MYOZ2: variants seen among roughly 807,000 people sequenced by gnomAD.
MYOZ2 encodes myozenin 2.
In MYOZ2, 19 loss-of-function variants were observed where a neutral mutation model predicts 25.4. The observed-to-expected ratio is 0.75, with a 90% CI of 0.52 to 1.10. MYOZ2 has a LOEUF of 1.10. Among genes scored for constraint, MYOZ2 ranks in the 50% least tolerant of loss-of-function variants. The pLI is 0.00. For missense variants in MYOZ2, 270 were observed against 317.9 expected (o/e 0.85, Z 1.15); for synonymous variants, 92 against 106.9 (o/e 0.86, Z 0.86).
Position 119,186,282 on chromosome 4 carries a change from C to A in MYOZ2, c.*82C>A. 1.8e-6 allele frequency: 2 copies of A among 1,090,230 alleles called. No homozygotes were observed. Among genetic ancestry groups the A allele is most frequent in the Non-Finnish European group, 2.7e-6 (2 of 733,870 alleles). The allele number at this position is 1,090,230 out of a possible 1,614,324, so 67.5% of individuals were successfully genotyped here. A position where few individuals can be genotyped will look rare whatever the true frequency, so the allele number is the denominator to read the frequency against. ...TTTTAACTACTGGCAAAGCCACTTG[C>A]ATTTTTCATTAGTAGCAACAATAGC... On this transcript the variant is annotated 3_prime_UTR_variant, in exon 6 of 6. Transcript: ENST00000307128.
At chr4:119,158,323 AGGTG>A (rs1348803896) in intron 4 of MYOZ2, among the ~76,000 whole-genome samples, 172 bp downstream of exon 4, 1 of 152,150 alleles carries the variant, frequency 6.6e-6, no homozygotes, top group Non-Finnish European at 1.5e-5. Flanking sequence ...TGGGAGACTG[AGGTG>A]GGTGGATCAC....
intron 2 of MYOZ2, among the ~76,000 whole-genome samples, chr4:119,145,484 C>G (rs4441740): frequency 0.97 from 144,856 of 150,056 alleles, 69,942 homozygotes; most frequent in East Asian, 1. Context: ...TGGGACCAAC[C>G]CACCACCATG....
chr4:119,175,625 G>A (rs924917091), intron 5 of MYOZ2, among the ~76,000 whole-genome samples: 4 of 151,896 alleles, frequency 2.6e-5, no homozygotes, highest in East Asian at 1.9e-4. Flanking sequence ...GGTGGCGGGC[G>A]TCTGTAATCC....
At chr4:119,161,852 G>A (rs1305986941) in intron 4 of MYOZ2, among the ~76,000 whole-genome samples, 2 of 152,098 alleles carry the variant, frequency 1.3e-5, no homozygotes, top group Non-Finnish European at 2.9e-5. Flanking sequence ...TGATCATTAC[G>A]TTTATGGGTG....
chr4:119,170,319 A>G (rs996901253), intron 5 of MYOZ2, among the ~76,000 whole-genome samples: 2 of 150,394 alleles, frequency 1.3e-5, no homozygotes, highest in African/African-American at 4.9e-5. Flanking sequence ...TTCACTTAGT[A>G]TAATGTCCTC....
chr4:119,138,539 A>C (rs1301411932), intron 2 of MYOZ2, among the ~76,000 whole-genome samples: 2 of 152,202 alleles, frequency 1.3e-5, no homozygotes, highest in East Asian at 3.8e-4. Context: ...CAAACTTTCA[A>C]ACATTTTACA....
At chr4:119,139,217 C>T (rs1322339660) in intron 2 of MYOZ2, among the ~76,000 whole-genome samples, 1 of 152,152 alleles carries the variant, frequency 6.6e-6, no homozygotes, top group African/African-American at 2.4e-5. Context: ...TTACCTTCCT[C>T]ATTATATCAT....
chr4:119,164,622 A>C (rs1561122008), intron 5 of MYOZ2, among the ~76,000 whole-genome samples: 1 of 152,244 alleles, frequency 6.6e-6, no homozygotes, highest in Non-Finnish European at 1.5e-5. Flanking sequence ...AATGATTCAG[A>C]AACTATCATT....
In MYOZ2 at chr4:119,151,042, G is replaced by A. The variant is rs755105860; in HGVS notation, c.246+1G>A. 6.2e-7 allele frequency: 1 copy of A among 1,607,064 alleles called. No homozygotes were observed. The highest frequency in any genetic ancestry group is 2.2e-5 in the East Asian group (1 of 44,820). On this transcript the variant is annotated splice_donor_variant, in intron 3 of 5. Transcript: ENST00000307128. LOFTEE classifies it high-confidence loss of function. ...GTATCAATCTAGAGCACAAATAAAT[G>A]TAGGTATAACTTGAACAGGTAGTAT...
chr4:119,174,824 T>C (rs1742024025), intron 5 of MYOZ2, among the ~76,000 whole-genome samples: 1 of 152,030 alleles, frequency 6.6e-6, no homozygotes, highest in Non-Finnish European at 1.5e-5. Context: ...ACTTTTTGGG[T>C]CCACGCTGCT....
At chr4:119,144,872 A>G (rs1002954203) in intron 2 of MYOZ2, among the ~76,000 whole-genome samples, 4 of 152,104 alleles carry the variant, frequency 2.6e-5, no homozygotes, top group African/African-American at 9.7e-5. Flanking sequence ...TTTTGAAAAT[A>G]TTGTTTCCCA....
intron 2 of MYOZ2, among the ~76,000 whole-genome samples, chr4:119,142,115 G>A (rs1434507704): frequency 6.6e-6 from 1 of 152,112 alleles, no homozygotes. Context: ...TCTTGAATGG[G>A]GCAGCAGTAG....
chr4:119,183,101 A>G (rs571030351), intron 5 of MYOZ2, among the ~76,000 whole-genome samples: 2 of 152,226 alleles, frequency 1.3e-5, no homozygotes, highest in African/African-American at 2.4e-5. Context: ...GAGAATCTAT[A>G]TAGTCTTGCC....
chr4:119,157,025 T>C (rs1204114638), intron 3 of MYOZ2, among the ~76,000 whole-genome samples: 2 of 152,196 alleles, frequency 1.3e-5, no homozygotes, highest in African/African-American at 4.8e-5. Flanking sequence ...CTGAAATTGC[T>C]ATAAAGTTAA....
chr4:119,162,526 A>G (rs184053371), intron 4 of MYOZ2, among the ~76,000 whole-genome samples: 202 of 152,338 alleles, frequency 1.3e-3, no homozygotes, highest in African/African-American at 4.7e-3. Context: ...ACGGAAATGT[A>G]AAGAGAATTT....
chr4:119,141,011 A>G (rs1260872450), intron 2 of MYOZ2, among the ~76,000 whole-genome samples: 2 of 152,210 alleles, frequency 1.3e-5, no homozygotes, highest in Non-Finnish European at 2.9e-5. Flanking sequence ...CATTATCCAA[A>G]ATCACAGTCT....
chr4:119,150,938 C>T lies in MYOZ2; in HGVS notation c.143C>T (p.Ser48Phe), dbSNP rs1741435476. ...AGAGACATCATGTTGGAAGAATTAT[C>T]CCATCTCAGTAACCGTGGTGCCAGG... is the stretch of plus-strand genomic sequence containing the variant. ...IPRDIMLEEL[S>F]HLSNRGARLF... Residue 48 changes from serine to phenylalanine, a missense_variant, in exon 3 of 6, where the codon TCC (serine) becomes TTC (phenylalanine). By Grantham distance (155) the Ser-to-Phe change is radical (BLOSUM62 -2). Transcript: ENST00000307128. The T allele has an allele frequency of 6.2e-7, 1 of 1,613,570 alleles. No homozygotes were observed. The highest frequency in any genetic ancestry group is 1.3e-5 in the African/African-American group (1 of 74,880).
chr4:119,136,291 T>C (rs1363689049), intron 1 of MYOZ2, among the ~76,000 whole-genome samples: 3 of 152,336 alleles, frequency 2.0e-5, no homozygotes, highest in African/African-American at 7.2e-5. Context: ...TGATGATCAT[T>C]GTATTAATGT....
At chr4:119,156,933 T>C (rs560370253) in intron 3 of MYOZ2, among the ~76,000 whole-genome samples, 4 of 152,344 alleles carry the variant, frequency 2.6e-5, no homozygotes, top group African/African-American at 9.6e-5. Flanking sequence ...ATTTCCTTCA[T>C]AATTTTATTA....
Sources: gnomAD v4.1 joint callset for allele counts (sites outside exome capture counted in the v4.1 genomes callset) on GRCh38, gnomAD v4.1.1 for gene constraint, MANE v1.5 for transcripts, NCBI Gene and HGNC (gene_info 2026-07-23, HGNC 2026-07-21) for gene names.